Variants in TMIGD1 observed in about 807,000 individuals in gnomAD.
TMIGD1 encodes transmembrane and immunoglobulin domain-containing protein 1.
In TMIGD1, 29 loss-of-function variants were observed where a neutral mutation model predicts 27.5. The ratio of observed to expected loss-of-function variants is 1.05; its 90% confidence interval spans 0.78 to 1.44. The LOEUF (loss-of-function observed/expected upper bound fraction) is 1.44, where lower values mean the gene tolerates loss of function less well. Ranked by LOEUF, TMIGD1 falls within the 40% of genes most tolerant of loss-of-function variation. The pLI is 0.00. For missense variants in TMIGD1, 334 were observed against 310.6 expected (o/e 1.08, Z -0.57); for synonymous variants, 109 against 110.3 (o/e 0.99, Z 0.07).
chr17:30,319,039 A>G (rs6505173), intron 4 of TMIGD1, 126 bp from the exon 5 acceptor site: 307,372 of 678,938 alleles, frequency 0.45, 74,805 homozygotes, highest in African/African-American at 0.79. Context: ...AATCTCAAAA[A>G]GTAGGTATGA....
intron 2 of TMIGD1, among the ~76,000 whole-genome samples, chr17:30,330,591 T>A (rs1190612825): frequency 6.6e-6 from 1 of 152,244 alleles, no homozygotes; most frequent in Non-Finnish European, 1.5e-5. Context: ...GCATCTATAA[T>A]GTTTTAATAT....
intron 1 of TMIGD1, among the ~76,000 whole-genome samples, chr17:30,333,024 G>A (rs1489695547): frequency 1.3e-5 from 2 of 152,212 alleles, no homozygotes; most frequent in East Asian, 3.9e-4. Flanking sequence ...GACAGTAAAT[G>A]TCAAGGTCGG....
At chr17:30,328,185 C>A (rs1909849842) in intron 3 of TMIGD1, among the ~76,000 whole-genome samples, 2 of 152,028 alleles carry the variant, frequency 1.3e-5, no homozygotes, top group Admixed American at 1.3e-4. Context: ...CAGGTGCCTA[C>A]CACCGCACCT....
chr17:30,331,690 G>A (rs569754062), intron 2 of TMIGD1, among the ~76,000 whole-genome samples: 13 of 150,028 alleles, frequency 8.7e-5, no homozygotes, highest in African/African-American at 2.9e-4. Context: ...CTGGGTTCAC[G>A]CCATTCTCCT....
At chr17:30,326,716 A>G (rs2321705) in intron 3 of TMIGD1, among the ~76,000 whole-genome samples, 80,614 of 152,054 alleles carry the variant, frequency 0.53, 22,361 homozygotes, top group African/African-American at 0.68. Context: ...ATGATCCTGT[A>G]CATGTATTTC....
chr17:30,323,982 A>G (rs1909695673), intron 4 of TMIGD1, among the ~76,000 whole-genome samples: 1 of 152,190 alleles, frequency 6.6e-6, no homozygotes, highest in African/African-American at 2.4e-5. Flanking sequence ...AGGGGAAGCA[A>G]ATAAGATGTC....
At chr17:30,319,261 A>AAAAAAAAAAAAAAAATATATATAT in intron 4 of TMIGD1, among the ~76,000 whole-genome samples, 64 of 68,984 alleles carry the variant, frequency 9.3e-4, no homozygotes, top group Non-Finnish European at 9.5e-4. Context: ...AAAAAAAAAA[A>AAAAAAAAAAAAAAAATATATATAT]ATATATATAT....
At chr17:30,326,208 T>C (rs556874806) in intron 3 of TMIGD1, among the ~76,000 whole-genome samples, 7 of 152,342 alleles carry the variant, frequency 4.6e-5, no homozygotes, top group Admixed American at 3.9e-4. Flanking sequence ...GAGAACATAA[T>C]TGCCAAATGG....
At chr17:30,331,153 C>G (rs1440150130) in intron 2 of TMIGD1, among the ~76,000 whole-genome samples, 1 of 152,118 alleles carries the variant, frequency 6.6e-6, no homozygotes, top group Non-Finnish European at 1.5e-5. Flanking sequence ...CAAGATCACA[C>G]CACTGCACTC....
chr17:30,326,305 A>C (rs1016456591), intron 3 of TMIGD1, among the ~76,000 whole-genome samples: 2 of 152,222 alleles, frequency 1.3e-5, no homozygotes, highest in Non-Finnish European at 2.9e-5. Context: ...GTATATGTGA[A>C]TATCCCCTCT....
In TMIGD1 at chr17:30,324,899, T is replaced by C; in HGVS notation, c.557A>G (p.Glu186Gly). ...ESFQLSITKV[E>G]KPDNGTYSCI... Reference sequence around the variant, plus strand: ...ACTGTAGGTTCCGTTGTCAGGCTTCTCGACTTTGGTGATTGACAGCTGAAA... The same window carrying C: ...ACTGTAGGTTCCGTTGTCAGGCTTCCCGACTTTGGTGATTGACAGCTGAAA... Residue 186 changes from glutamate to glycine, a missense_variant, in exon 4 of 7, where the codon GAG becomes GGG. Transcript: ENST00000328886. 1 of 1,614,208 alleles carries C rather than the reference T, an allele frequency of 6.2e-7. No homozygotes were observed. Among genetic ancestry groups the C allele is most frequent in the Non-Finnish European group, 8.5e-7 (1 of 1,180,016 alleles).
rs772005535 is a variant in TMIGD1 at position 30,332,148 on chromosome 17, ACTCAGAT to A, written c.-22_-16del. 2 of 1,602,936 alleles carry A rather than the reference ACTCAGAT, an allele frequency of 1.2e-6. No homozygotes were observed. The highest frequency in any genetic ancestry group is 1.7e-6 in the Non-Finnish European group (2 of 1,173,376). ...TTCCATGCCATCTTTAATGAGTTAA[ACTCAGAT>A]CTACTAAGGGAAAAATAGTGCAGTT... is the stretch of plus-strand genomic sequence containing the variant. On this transcript the variant is annotated 5_prime_UTR_variant, in exon 2 of 7. Transcript: ENST00000328886.
Position 30,332,148 on chromosome 17 carries a change from A to C in TMIGD1, c.-15T>G, listed in dbSNP as rs779783139. ...TTCCATGCCATCTTTAATGAGTTAA[A>C]CTCAGATCTACTAAGGGAAAAATAG... is the stretch of plus-strand genomic sequence containing the variant. On this transcript the variant is annotated 5_prime_UTR_variant, in exon 2 of 7. Coordinates refer to ENST00000328886, the MANE Select transcript of TMIGD1 (RefSeq NM_206832.3). 1 of 1,603,054 alleles carries C rather than the reference A, an allele frequency of 6.2e-7. No individual in the cohort carries two copies. The highest frequency in any genetic ancestry group is 8.5e-7 in the Non-Finnish European group (1 of 1,173,368).
At chr17:30,316,802 C>A (rs1015472479) in intron 6 of TMIGD1, 112 bp from the exon 7 acceptor site, 5 of 954,152 alleles carry the variant, frequency 5.2e-6, no homozygotes, top group Non-Finnish European at 8.1e-6. Context: ...ACCTACTACC[C>A]ACTTCACATA....
intron 3 of TMIGD1, among the ~76,000 whole-genome samples, chr17:30,325,721 A>T (rs1909753453): frequency 6.6e-6 from 1 of 152,020 alleles, no homozygotes; most frequent in Admixed American, 6.6e-5. Flanking sequence ...CATTTTATCG[A>T]ACCATTGCCT....
At chr17:30,329,610 T>C in intron 2 of TMIGD1, 81 bp from the exon 3 acceptor site, 1 of 1,159,910 alleles carries the variant, frequency 8.6e-7, no homozygotes, top group South Asian at 1.5e-5. Flanking sequence ...GTTAAATAAG[T>C]TATGTTACAT....
intron 3 of TMIGD1, among the ~76,000 whole-genome samples, chr17:30,326,718 A>T (rs1008495442): frequency 1.3e-5 from 2 of 152,184 alleles, no homozygotes; most frequent in Admixed American, 6.5e-5. Flanking sequence ...GATCCTGTAC[A>T]TGTATTTCTC....
chr17:30,320,582 A>G (rs948485412), intron 4 of TMIGD1, among the ~76,000 whole-genome samples: 1 of 152,238 alleles, frequency 6.6e-6, no homozygotes, highest in African/African-American at 2.4e-5. Context: ...ACTTATTTAT[A>G]ACAAAATTCA....
chr17:30,320,576 A>G (rs1909585468), intron 4 of TMIGD1, among the ~76,000 whole-genome samples: 1 of 152,264 alleles, frequency 6.6e-6, no homozygotes, highest in East Asian at 1.9e-4. Flanking sequence ...TGAGTAACTT[A>G]TTTATAACAA....
Sources: gnomAD v4.1 joint callset for allele counts (sites outside exome capture counted in the v4.1 genomes callset) on GRCh38, gnomAD v4.1.1 for gene constraint, MANE v1.5 for transcripts, NCBI Gene and HGNC (gene_info 2026-07-23, HGNC 2026-07-21) for gene names.